LATS2: variants seen among roughly 807,000 people sequenced by gnomAD.
The protein encoded by LATS2 is large tumor suppressor kinase 2.
Under a neutral mutation model 76.0 loss-of-function variants are expected in LATS2, and 24 were observed. The ratio of observed to expected loss-of-function variants is 0.32; its 90% confidence interval spans 0.23 to 0.44. The LOEUF (loss-of-function observed/expected upper bound fraction) is 0.44, where lower values mean the gene tolerates loss of function less well. LATS2 is among the 20% of genes least tolerant of loss of function. The probability of loss-of-function intolerance (pLI) is 1.00; values close to 1 mark genes in which losing one functional copy is unlikely to be tolerated. For missense variants in LATS2, 1,286 were observed against 1,481.2 expected (o/e 0.87, Z 2.16); for synonymous variants, 692 against 635.4 (o/e 1.09, Z -1.34).
intron 1 of LATS2, among the ~76,000 whole-genome samples, chr13:21,051,148 A>T (rs73445512): frequency 6.6e-6 from 1 of 152,186 alleles, no homozygotes. Flanking sequence ...GTCTCCAAGC[A>T]GACTGCACAT....
chr13:20,975,492 A>G, intron 7 of LATS2, 128 bp from the exon 8 acceptor site: 2 of 989,100 alleles, frequency 2.0e-6, no homozygotes, highest in Non-Finnish European at 2.9e-6. Flanking sequence ...AATAGACACA[A>G]GCAGCAGTTG....
intron 2 of LATS2, among the ~76,000 whole-genome samples, chr13:20,997,570 T>G (rs1287518006): frequency 6.6e-6 from 1 of 152,238 alleles, no homozygotes; most frequent in Non-Finnish European, 1.5e-5. Context: ...CATCACCATT[T>G]AATGATCTTC....
In LATS2 at chr13:20,997,426, C is replaced by T. The variant is rs529733681; in HGVS notation, c.343-6022G>A. Among the ~76,000 whole-genome samples the T allele has an allele frequency of 1.6e-4, 24 of 152,314 alleles. 1 individual carries two copies. In the South Asian group the frequency reaches 2.9e-3, roughly 18 times the overall value. On this transcript the variant is annotated intron_variant, in intron 2 of 7. Transcript: ENST00000382592. Reference sequence around the variant, plus strand: ...CAAAAGAGGCACTTTAACAAAACGGCGAGGTGGCTGAGGGGTGGGACACCT... The same window carrying T: ...CAAAAGAGGCACTTTAACAAAACGGTGAGGTGGCTGAGGGGTGGGACACCT...
intron 1 of LATS2, among the ~76,000 whole-genome samples, chr13:21,058,569 A>C (rs1335422611): frequency 6.6e-6 from 1 of 152,258 alleles, no homozygotes; most frequent in Non-Finnish European, 1.5e-5. Flanking sequence ...GCTAAGGAAC[A>C]TGTACAGCTC....
intron 1 of LATS2, among the ~76,000 whole-genome samples, chr13:21,046,856 G>GT (rs947055710): frequency 1.3e-5 from 2 of 152,072 alleles, no homozygotes; most frequent in African/African-American, 2.4e-5. Context: ...TACTTCCTTT[G>GT]TTTTTTACAA....
At position 20,988,629 on chromosome 13, in the gene LATS2, G is replaced by C. The variant is rs200348220; in HGVS notation, c.1151C>G (p.Pro384Arg). The change falls in exon 4 of 8, where the codon CCG (proline) becomes CGG (arginine). Residue 384 changes from proline to arginine, a missense_variant. Around this residue, in one of 5 missense-constraint regions of LATS2, gnomAD observed 710 missense variants for 660.9 expected, o/e 1.07. Coordinates refer to ENST00000382592, the MANE Select transcript of LATS2 (RefSeq NM_014572.3). ...TLARRDSLQK[P>R]GLEAPPRAHV... The stretch of plus-strand genomic sequence containing the variant: ...CGCGCGCGGCGGCGCCTCCAGGCCC[G>C]GCTTCTGCAGGGAGTCCCGGCGGGC... 2 of 1,587,112 alleles carry C rather than the reference G, an allele frequency of 1.3e-6. No homozygotes were observed. The highest frequency in any genetic ancestry group is 2.3e-5 in the East Asian group (1 of 44,348).
chr13:21,024,485 G>C (rs1872224912), intron 2 of LATS2, among the ~76,000 whole-genome samples: 1 of 151,952 alleles, frequency 6.6e-6, no homozygotes, highest in East Asian at 1.9e-4. Flanking sequence ...CCCTTTTTAG[G>C]TTGGCTGGAC....
At chr13:21,038,394 A>G (rs1872750588) in intron 2 of LATS2, 1 of 152,044 alleles carries the variant, frequency 6.6e-6, no homozygotes, top group African/African-American at 2.4e-5. Flanking sequence ...AAAAATAGAC[A>G]GGGTCTTGCT....
At chr13:21,042,909 G>C (rs142801103) in intron 2 of LATS2, among the ~76,000 whole-genome samples, 5,415 of 151,466 alleles carry the variant, frequency 0.036, 326 homozygotes, top group African/African-American at 0.12. Flanking sequence ...GCTTGAACCT[G>C]GGAGGCAGAA....
At chr13:21,025,387 C>T (rs934797744) in intron 2 of LATS2, among the ~76,000 whole-genome samples, 16 of 131,276 alleles carry the variant, frequency 1.2e-4, no homozygotes, top group Admixed American at 3.8e-4. Flanking sequence ...AGTGAGACTC[C>T]GTCTCCAAAA....
intron 6 of LATS2, among the ~76,000 whole-genome samples, chr13:20,981,167 G>A (rs1215094768): frequency 6.6e-6 from 1 of 152,146 alleles, no homozygotes; most frequent in African/African-American, 2.4e-5. Context: ...CCCTCAGAGT[G>A]GTTTCCATCA....
intron 2 of LATS2, among the ~76,000 whole-genome samples, chr13:21,028,423 A>G (rs1333166531): frequency 6.6e-6 from 1 of 152,194 alleles, no homozygotes; most frequent in Admixed American, 6.5e-5. Context: ...AGCATGATTT[A>G]TAGTCCTTTG....
chr13:21,010,432 C>G (rs1272112442), intron 2 of LATS2, among the ~76,000 whole-genome samples: 1 of 152,126 alleles, frequency 6.6e-6, no homozygotes, highest in African/African-American at 2.4e-5. Flanking sequence ...AGGCCCCACC[C>G]TATAGTCCTT....
chr13:21,056,235 C>T (rs1873445843), intron 1 of LATS2, among the ~76,000 whole-genome samples: 1 of 151,868 alleles, frequency 6.6e-6, no homozygotes, highest in Non-Finnish European at 1.5e-5. Flanking sequence ...GATGGGGTTT[C>T]GCCATGTCAC....
chr13:20,992,328 G>A (rs868279769), intron 2 of LATS2, among the ~76,000 whole-genome samples: 4 of 152,338 alleles, frequency 2.6e-5, no homozygotes, highest in South Asian at 2.1e-4. Flanking sequence ...GGCATTCGAG[G>A]AAGCTTTCAA....
Position 20,991,847 on chromosome 13 carries a change from G to A in LATS2, c.343-443C>T, listed in dbSNP as rs779703425. ...GGACTAGGAAACCTGTCCCCAGGGA[G>A]AGGGTGCAGCTGCCGAAGAGTCATA... On this transcript the variant is annotated intron_variant, in intron 2 of 7. Transcript: ENST00000382592. The surrounding 1 kb of genome is among the most constrained non-coding windows in gnomAD (Gnocchi z 4.9). Among the ~76,000 whole-genome samples the A allele has an allele frequency of 4.6e-5, 7 of 152,194 alleles. No homozygotes were observed. The highest frequency in any genetic ancestry group is 8.8e-5 in the Non-Finnish European group (6 of 68,038).
At chr13:21,050,309 C>T (rs1873229763) in intron 1 of LATS2, among the ~76,000 whole-genome samples, 1 of 151,978 alleles carries the variant, frequency 6.6e-6, no homozygotes. Flanking sequence ...CCAAGGAACA[C>T]ACTCTTGTAA....
At chr13:21,036,951 T>C (rs1872703330) in intron 2 of LATS2, among the ~76,000 whole-genome samples, 1 of 152,200 alleles carries the variant, frequency 6.6e-6, no homozygotes, top group South Asian at 2.1e-4. Context: ...ATGGTAAAAA[T>C]GCTCTCAACA....
In LATS2 at chr13:20,983,508, T is replaced by C; in HGVS notation, c.2198A>G (p.Tyr733Cys). 2 of 1,613,648 alleles carry C rather than the reference T, an allele frequency of 1.2e-6. No individual in the cohort carries two copies. The highest frequency in any genetic ancestry group is 2.2e-5 in the East Asian group (1 of 44,834). The change falls in exon 5 of 8, where the codon TAC (tyrosine) becomes TGC (cysteine). Residue 733 changes from tyrosine (Y) to cysteine (C), a missense_variant. By Grantham distance (194) the Tyr-to-Cys change is radical (BLOSUM62 -2). Transcript: ENST00000382592. ...ADNEWVVKLYYSFQDKDSLYF... is the reference protein window; with the variant it reads ...ADNEWVVKLYCSFQDKDSLYF... The stretch of plus-strand genomic sequence containing the variant: ...CAGGCTGTCTTTGTCTTGGAAGGAG[T>C]AGTAGAGTTTGACCACCCACTCATT...
Sources: gnomAD v4.1 joint callset for allele counts (sites outside exome capture counted in the v4.1 genomes callset) on GRCh38, gnomAD v4.1.1 for gene constraint, gnomAD v4.1.1 regional missense constraint, Gnocchi (gnomAD v3.1) non-coding constraint, MANE v1.5 for transcripts, NCBI Gene and HGNC (gene_info 2026-07-23, HGNC 2026-07-21) for gene names.